Variants in FOCAD observed in about 807,000 individuals in gnomAD.
The protein encoded by FOCAD is KIAA1797.
Under a neutral mutation model 225.6 loss-of-function variants are expected in FOCAD, and 198 were observed. The ratio of observed to expected loss-of-function variants is 0.88; its 90% CI spans 0.78 to 0.99. FOCAD has a LOEUF of 0.99. Ranked by LOEUF, FOCAD falls within the 50% of genes least tolerant of loss-of-function variation. FOCAD has a pLI of 0.00. For synonymous variants in FOCAD, 897 were observed against 755.0 expected, an observed-to-expected ratio of 1.19 and a Z score of -3.08; for missense variants, 2,713 against 2,123.6, an observed-to-expected ratio of 1.28 and a Z score of -5.46.
chr9:20,761,469 GGA>G (rs1829590218), intron 6 of FOCAD, among the ~76,000 whole-genome samples: 1 of 151,882 alleles, frequency 6.6e-6, no homozygotes, highest in African/African-American at 2.4e-5. Flanking sequence ...TGCCCAGGCT[GGA>G]GTGCAGTGGT....
At chr9:20,864,537 C>T (rs1281753510) in intron 16 of FOCAD, among the ~76,000 whole-genome samples, 1 of 152,008 alleles carries the variant, frequency 6.6e-6, no homozygotes. Context: ...CTCATCCCAT[C>T]CTTTGAGAGT....
intron 1 of FOCAD, among the ~76,000 whole-genome samples, chr9:20,698,217 G>A (rs1330605425): frequency 1.3e-5 from 2 of 152,058 alleles, no homozygotes; most frequent in Non-Finnish European, 2.9e-5. Flanking sequence ...AAAATTAAAA[G>A]TAGCAAAGGC....
chr9:20,771,703 C>G (rs1305448142), intron 8 of FOCAD, among the ~76,000 whole-genome samples: 3 of 152,096 alleles, frequency 2.0e-5, no homozygotes, highest in African/African-American at 7.2e-5. Context: ...TGCAGTGAGC[C>G]GAGATTGTGC....
At chr9:20,715,986 A>G in intron 2 of FOCAD, 1 of 266,280 alleles carries the variant, frequency 3.8e-6, no homozygotes. Flanking sequence ...ATAATAGCTT[A>G]TTGTCTTTTC....
Position 20,858,333 on chromosome 9 carries a change from C to T in FOCAD, c.1921-4245C>T, listed in dbSNP as rs562600201. Among the ~76,000 whole-genome samples the T allele has an allele frequency of 1.2e-3, 177 of 152,140 alleles. 1 individual carries two copies. The highest frequency in any genetic ancestry group is 2.3e-3 in the Non-Finnish European group (158 of 67,976). Reference sequence around the variant, plus strand: ...TTAAATCTTGGTAGGCCATATGTGTCTAAGAATTTATCTGTTTCTTCTGGG... The same window carrying T: ...TTAAATCTTGGTAGGCCATATGTGTTTAAGAATTTATCTGTTTCTTCTGGG... On this transcript the variant is annotated intron_variant, in intron 15 of 43. Transcript: ENST00000338382.
intron 5 of FOCAD, among the ~76,000 whole-genome samples, chr9:20,742,530 G>T (rs1461205053): frequency 2.6e-5 from 4 of 152,198 alleles, no homozygotes; most frequent in Admixed American, 2.6e-4. Context: ...CAGAACCTTG[G>T]ACTCCATCTA....
chr9:20,795,784 GAA>G lies in FOCAD; in HGVS notation c.1455+6198_1455+6199del, dbSNP rs1161085446. 1.0e-3 allele frequency among the ~76,000 whole-genome samples: 43 copies of G among 42,408 alleles called. 1 individual carries two copies. Among genetic ancestry groups the G allele is most frequent in the Admixed American group, 9.2e-3 (27 of 2,948 alleles). The allele number at this position is 42,408 out of a possible 152,430, so 27.8% of individuals were successfully genotyped here. ...GGGGGACAGAGCAAGACTCTGTCTC[GAA>G]AAAAAAAAAAAAAAAAAAAAAGACA... On this transcript the variant is annotated intron_variant, in intron 11 of 43. Transcript: ENST00000338382.
In FOCAD at chr9:20,850,939, T is replaced by C. The variant is rs368488053; in HGVS notation, c.1921-11639T>C. Among the ~76,000 whole-genome samples the C allele has an allele frequency of 8.6e-5, 13 of 150,772 alleles. No individual in the cohort carries two copies. In the East Asian group the frequency reaches 1.4e-3, roughly 16 times the overall value. On this transcript the variant is annotated intron_variant, in intron 15 of 43. Transcript: ENST00000338382. ...TACCTGATGCTAAGGTCCTCGAAGA[T>C]AGAAAGTATGTTTTAGCAACTGACC...
At position 20,820,397 on chromosome 9, in the gene FOCAD, G is replaced by A. The variant is rs772192068; in HGVS notation, c.1634G>A (p.Arg545His). The A allele has an allele frequency of 3.1e-6, 5 of 1,612,636 alleles. No individual in the cohort carries two copies. Among genetic ancestry groups the A allele is most frequent in the Admixed American group, 3.3e-5 (2 of 59,842 alleles). ...TTPRLRAVTLRLLTSLWEKQD... is the reference protein window; with the variant it reads ...TTPRLRAVTLHLLTSLWEKQD... ...CCACGACTAAGAGCTGTCACTTTGCGCTTGCTGACATCTTTGTGGGAAAAG... is the reference window on the plus strand; with the variant it reads ...CCACGACTAAGAGCTGTCACTTTGCACTTGCTGACATCTTTGTGGGAAAAG... Residue 545 changes from arginine to histidine, a missense_variant, in exon 13 of 44, where the codon CGC becomes CAC. By Grantham distance (29) the Arg-to-His change is conservative (BLOSUM62 0). Transcript: ENST00000338382.
intron 5 of FOCAD, among the ~76,000 whole-genome samples, chr9:20,742,194 C>T (rs1253891236): frequency 1.3e-5 from 2 of 152,132 alleles, no homozygotes; most frequent in East Asian, 3.9e-4. Flanking sequence ...CCTGGGTGTG[C>T]TTAAAAAGAG....
chr9:20,821,108 A>T, intron 14 of FOCAD, 37 bp downstream of exon 14: 3 of 1,576,802 alleles, frequency 1.9e-6, no homozygotes, highest in South Asian at 1.2e-5. Context: ...GTATATCATG[A>T]TATATTATTT....
intron 22 of FOCAD, among the ~76,000 whole-genome samples, chr9:20,910,457 A>G (rs1050233372): frequency 3.6e-4 from 55 of 152,174 alleles, no homozygotes; most frequent in African/African-American, 1.3e-3. Flanking sequence ...AAGTTACTCT[A>G]TGGCAATTTA....
chr9:20,781,523 A>T (rs952557163), intron 9 of FOCAD, among the ~76,000 whole-genome samples: 1 of 152,182 alleles, frequency 6.6e-6, no homozygotes, highest in African/African-American at 2.4e-5. Flanking sequence ...TTTCAGTTAT[A>T]TATGTTAACA....
intron 21 of FOCAD, among the ~76,000 whole-genome samples, chr9:20,898,858 A>C (rs1225744982): frequency 6.6e-6 from 1 of 151,974 alleles, no homozygotes; most frequent in Non-Finnish European, 1.5e-5. Context: ...TGTAGTGGTA[A>C]GGTGTTGGGG....
intron 4 of FOCAD, among the ~76,000 whole-genome samples, chr9:20,736,086 C>G (rs542413027): frequency 3.3e-5 from 5 of 152,104 alleles, no homozygotes; most frequent in Admixed American, 3.3e-4. Context: ...AAGCCTTTCT[C>G]TTATAACTCC....
At chr9:20,802,077 T>C (rs758986665) in intron 11 of FOCAD, among the ~76,000 whole-genome samples, 1 of 152,114 alleles carries the variant, frequency 6.6e-6, no homozygotes, top group African/African-American at 2.4e-5. Context: ...TTCAAATGGG[T>C]AGACATGGCT....
intron 11 of FOCAD, among the ~76,000 whole-genome samples, chr9:20,813,437 A>T (rs1204986624): frequency 1.3e-5 from 2 of 152,110 alleles, no homozygotes; most frequent in Non-Finnish European, 2.9e-5. Flanking sequence ...TCATGCTGTT[A>T]CCCATAGTGG....
In FOCAD at chr9:20,931,918, A is replaced by G. The variant is rs1255877588; in HGVS notation, c.3318-1096A>G. On this transcript the variant is annotated intron_variant, in intron 27 of 43. Transcript: ENST00000338382. ...ACTCTATCTCAAAAAAAAAAAAAAA[A>G]AGGGGGGGAGAATTATGAAAATCAT... 2.3e-3 allele frequency among the ~76,000 whole-genome samples: 344 copies of G among 150,038 alleles called. 3 individuals carry two copies. The highest frequency in any genetic ancestry group is 8.1e-3 in the African/African-American group (326 of 40,206).
rs369393838 is a variant in FOCAD at position 20,990,101 on chromosome 9, G to A, written c.5005-22G>A. 1.4e-5 allele frequency: 23 copies of A among 1,613,056 alleles called. No individual in the cohort carries two copies. In the African/African-American group the frequency reaches 1.7e-4, roughly 12 times the overall value. Reference sequence around the variant, plus strand: ...GAATTGTTAAAAAATATGACCTAACGTCATTTCTATTTTCATCGTAGGCTT... The same window carrying A: ...GAATTGTTAAAAAATATGACCTAACATCATTTCTATTTTCATCGTAGGCTT... On this transcript the variant is annotated intron_variant, in intron 41 of 43. Coordinates refer to ENST00000338382, the MANE Select transcript of FOCAD (RefSeq NM_001375567.1).
Sources: gnomAD v4.1 joint callset for allele counts (sites outside exome capture counted in the v4.1 genomes callset) on GRCh38, gnomAD v4.1.1 for gene constraint, MANE v1.5 for transcripts, NCBI Gene and HGNC (gene_info 2026-07-23, HGNC 2026-07-21) for gene names.